RXRA: variants seen among roughly 807,000 people sequenced by gnomAD.
RXRA encodes retinoid X receptor alpha.
In RXRA, 5 loss-of-function variants were observed where a neutral mutation model predicts 44.5. The ratio of observed to expected loss-of-function variants is 0.11; its 90% CI spans 0.06 to 0.24. The LOEUF (loss-of-function observed/expected upper bound fraction) is 0.24. Among genes scored for constraint, RXRA ranks in the 10% least tolerant of loss-of-function variants. The pLI is 1.00. For synonymous variants in RXRA, 291 were observed against 271.4 expected (o/e 1.07, Z -0.71); for missense variants, 412 against 646.5 (o/e 0.64, Z 3.93).
Position 134,347,929 on chromosome 9 carries a change from C to T in RXRA, c.28+21270C>T, listed in dbSNP as rs547830258. Among the ~76,000 whole-genome samples, 14 of 152,126 alleles carry T rather than the reference C, an allele frequency of 9.2e-5. No homozygotes were observed. The East Asian group carries it at 9.7e-4, about 11-fold the overall frequency. ...AGTGCTGAGTGAGGGTCCTGGCTGCCGGTGAGGATGGACCCCAGGGGCAGG... is the reference window on the plus strand; with the variant it reads ...AGTGCTGAGTGAGGGTCCTGGCTGCTGGTGAGGATGGACCCCAGGGGCAGG... On this transcript the variant is annotated intron_variant, in intron 1 of 9. Coordinates refer to ENST00000481739, the MANE Select transcript of RXRA (RefSeq NM_002957.6).
Position 134,417,799 on chromosome 9 carries a change from C to T in RXRA, c.780+472C>T, listed in dbSNP as rs3132295. ...AGCCGTGTGGCCCTGGGCAGGTGCCCGGCAGTCGCGGTGGCTGCTGTTGAT... is the reference window on the plus strand; with the variant it reads ...AGCCGTGTGGCCCTGGGCAGGTGCCTGGCAGTCGCGGTGGCTGCTGTTGAT... On this transcript the variant is annotated intron_variant, in intron 5 of 9. Coordinates refer to ENST00000481739, the MANE Select transcript of RXRA (RefSeq NM_002957.6). This position sits in a 1 kb window ranked among gnomAD's most constrained non-coding sequence, Gnocchi z 6.1. Among the ~76,000 whole-genome samples, 89,667 of 151,858 alleles carry T rather than the reference C, an allele frequency of 0.59. 28,024 individuals are homozygous for T. The highest frequency in any genetic ancestry group is 0.76 in the East Asian group (3,873 of 5,126).
At chr9:134,393,804 G>A (rs1830834079) in intron 1 of RXRA, among the ~76,000 whole-genome samples, 1 of 152,180 alleles carries the variant, frequency 6.6e-6, no homozygotes, top group African/African-American at 2.4e-5. Flanking sequence ...CCTCCTGTGT[G>A]TGCTTCCCAC....
At chr9:134,358,717 C>A (rs1178169795) in intron 1 of RXRA, among the ~76,000 whole-genome samples, 1 of 152,218 alleles carries the variant, frequency 6.6e-6, no homozygotes, top group Non-Finnish European at 1.5e-5. Flanking sequence ...GCCCCTGGAC[C>A]CTGCCTGAGA....
At chr9:134,359,916 G>A (rs990690417) in intron 1 of RXRA, among the ~76,000 whole-genome samples, 1 of 152,174 alleles carries the variant, frequency 6.6e-6, no homozygotes, top group Admixed American at 6.5e-5. Context: ...CCTGTGAGGG[G>A]ATGGGGCCCT....
intron 1 of RXRA, among the ~76,000 whole-genome samples, chr9:134,337,917 G>T (rs1206490979): frequency 6.6e-6 from 1 of 152,128 alleles, no homozygotes; most frequent in East Asian, 1.9e-4. Flanking sequence ...AGGTGGCCGC[G>T]TGCCAGCCCT....
intron 1 of RXRA, among the ~76,000 whole-genome samples, chr9:134,386,740 C>T (rs1489348142): frequency 6.6e-6 from 1 of 152,160 alleles, no homozygotes; most frequent in Non-Finnish European, 1.5e-5. Flanking sequence ...CTGGTGTCCC[C>T]CCGGGTGTCT....
chr9:134,436,711 C>A lies in RXRA; in HGVS notation c.*97C>A. The A allele has an allele frequency of 1.4e-6, 2 of 1,453,038 alleles. No homozygotes were observed. The highest frequency in any genetic ancestry group is 1.2e-5 in the South Asian group (1 of 80,302). The allele number at this position is 1,453,038 out of a possible 1,614,324, so 90.0% of individuals were successfully genotyped here. A position where few individuals can be genotyped will look rare whatever the true frequency, so the allele number is the denominator to read the frequency against. ...TGAGCCCTGTCCCTGCCCTTCTCTG[C>A]CTGGCCTGTTTGGACTTTGGGGCAC... On this transcript the variant is annotated 3_prime_UTR_variant, in exon 10 of 10. Coordinates refer to ENST00000481739, the MANE Select transcript of RXRA (RefSeq NM_002957.6).
chr9:134,374,393 G>C (rs918674379), intron 1 of RXRA, among the ~76,000 whole-genome samples: 2 of 152,182 alleles, frequency 1.3e-5, no homozygotes, highest in Non-Finnish European at 2.9e-5. Flanking sequence ...GGTGGCTCTG[G>C]TCCCCAGCTG....
chr9:134,426,239 G>A lies in RXRA; in HGVS notation c.911-2869G>A, dbSNP rs1441879116. 1 of 985,344 alleles carries A rather than the reference G, an allele frequency of 1.0e-6. No homozygotes were observed. The highest frequency in any genetic ancestry group is 1.2e-6 in the Non-Finnish European group (1 of 829,946). 61.0% of individuals were successfully genotyped at this position (985,344 alleles called of 1,614,324 possible). ...TCCTTCTGAAAGGCCAGCGCACCCT[G>A]AGCCGTTTAAAGCTGTGTCCGTGCC... On this transcript the variant is annotated intron_variant, in intron 6 of 9. Coordinates refer to ENST00000481739, the MANE Select transcript of RXRA (RefSeq NM_002957.6). The surrounding 1 kb of genome is among the most constrained non-coding windows in gnomAD (Gnocchi z 4.6).
intron 2 of RXRA, chr9:134,402,237 A>G (rs1830975912): frequency 3.5e-6 from 1 of 283,512 alleles, no homozygotes; most frequent in Admixed American, 5.1e-5. Context: ...CTTCCCCAAA[A>G]GCTTGTGCCC....
chr9:134,367,565 ACC>A (rs921520778), intron 1 of RXRA, among the ~76,000 whole-genome samples: 2 of 151,554 alleles, frequency 1.3e-5, no homozygotes, highest in African/African-American at 4.9e-5. Context: ...AGGATGTGAA[ACC>A]CCCGGCTCCT....
Position 134,417,074 on chromosome 9 carries a change from T to C in RXRA, c.611-84T>C. On this transcript the variant is annotated intron_variant, in intron 4 of 9. Transcript: ENST00000481739. The surrounding 1 kb of genome is among the most constrained non-coding windows in gnomAD (Gnocchi z 6.1). ...TGTTGTGGGTGAGTTGGCTGGGAGC[T>C]GGCACCACCCGGCCAGGACAGCCTT... 1 of 1,450,600 alleles carries C rather than the reference T, an allele frequency of 6.9e-7. No individual in the cohort carries two copies. The allele number at this position is 1,450,600 out of a possible 1,614,324, so 89.9% of individuals were successfully genotyped here. A position where few individuals can be genotyped will look rare whatever the true frequency, so the allele number is the denominator to read the frequency against.
intron 1 of RXRA, among the ~76,000 whole-genome samples, chr9:134,370,332 G>A (rs1044783246): frequency 6.6e-6 from 1 of 152,182 alleles, no homozygotes; most frequent in South Asian, 2.1e-4. Flanking sequence ...CTCTGCCCTC[G>A]CCGTGTCCAC....
At chr9:134,427,068 C>T (rs1831445881) in intron 6 of RXRA, 1 of 981,184 alleles carries the variant, frequency 1.0e-6, no homozygotes. Flanking sequence ...CAAACCCTTC[C>T]CCTCCCTGGG....
chr9:134,422,527 C>G (rs1360124254), intron 6 of RXRA: 5 of 1,200,374 alleles, frequency 4.2e-6, no homozygotes, highest in Admixed American at 2.7e-5. Context: ...GACACTCCCC[C>G]CTTCCGGGAC....
Position 134,342,137 on chromosome 9 carries a change from C to T in RXRA, c.28+15478C>T, listed in dbSNP as rs576454128. Among the ~76,000 whole-genome samples the T allele has an allele frequency of 3.6e-4, 55 of 152,226 alleles. No individual in the cohort carries two copies. The highest frequency in any genetic ancestry group is 3.4e-3 in the Middle Eastern group (1 of 294). On this transcript the variant is annotated intron_variant, in intron 1 of 9. Coordinates refer to ENST00000481739, the MANE Select transcript of RXRA (RefSeq NM_002957.6). The surrounding 1 kb of genome is among the most constrained non-coding windows in gnomAD (Gnocchi z 4.4). ...CTGCTGGGCCCGGGGTGGGGGCTCT[C>T]GTGCTGGCATTTGGTGGGTAGTGAG... is the stretch of plus-strand genomic sequence containing the variant.
rs1830401423 is a variant in RXRA at position 134,365,373 on chromosome 9, CG to C, written c.29-36255del. On this transcript the variant is annotated intron_variant, in intron 1 of 9. Coordinates refer to ENST00000481739, the MANE Select transcript of RXRA (RefSeq NM_002957.6). This position sits in a 1 kb window ranked among gnomAD's most constrained non-coding sequence, Gnocchi z 4.0. Reference sequence around the variant, plus strand: ...TTGGGTCTCTGGTGAGCTCAGGGAGCGGGGTCCACGTTGCCTGGCCCAGGTG... The same window carrying C: ...TTGGGTCTCTGGTGAGCTCAGGGAGCGGGTCCACGTTGCCTGGCCCAGGTG... Among the ~76,000 whole-genome samples, 1 of 152,174 alleles carries C rather than the reference CG, an allele frequency of 6.6e-6. No homozygotes were observed. The highest frequency in any genetic ancestry group is 2.4e-5 in the African/African-American group (1 of 41,400).
intron 1 of RXRA, among the ~76,000 whole-genome samples, chr9:134,389,205 C>T (rs1003128077): frequency 1.3e-5 from 2 of 152,352 alleles, no homozygotes; most frequent in East Asian, 1.9e-4. Flanking sequence ...TCACGGAACC[C>T]GTTTTCCCGG....
intron 1 of RXRA, among the ~76,000 whole-genome samples, chr9:134,348,379 T>C (rs781987280): frequency 6.6e-6 from 1 of 152,172 alleles, no homozygotes; most frequent in Non-Finnish European, 1.5e-5. Flanking sequence ...CGTGGTGCGA[T>C]GATCTTCAGG....
Sources: gnomAD v4.1 joint callset for allele counts (sites outside exome capture counted in the v4.1 genomes callset) on GRCh38, gnomAD v4.1.1 for gene constraint, Gnocchi (gnomAD v3.1) non-coding constraint, MANE v1.5 for transcripts, NCBI Gene and HGNC (gene_info 2026-07-23, HGNC 2026-07-21) for gene names.